The following MAP2K5 variants were observed in gnomAD, a reference collection of about 807,000 sequenced individuals.
MAP2K5 encodes the protein dual specificity mitogen-activated protein kinase kinase 5.
Under a neutral mutation model 83.1 loss-of-function variants are expected in MAP2K5, and 49 were observed. That is an observed-to-expected ratio of 0.59 (90% CI 0.47 to 0.75). The LOEUF (loss-of-function observed/expected upper bound fraction) is 0.75, where lower values mean the gene tolerates loss of function less well. Among genes scored for constraint, MAP2K5 ranks in the 30% least tolerant of loss-of-function variants. MAP2K5 has a pLI of 0.00. For missense variants in MAP2K5, 457 were observed against 557.5 expected, an observed-to-expected ratio of 0.82 and a Z score of 1.82; for synonymous variants, 202 against 191.8, an observed-to-expected ratio of 1.05 and a Z score of -0.44.
intron 8 of MAP2K5, among the ~76,000 whole-genome samples, chr15:67,614,982 AG>A (rs2086023285): frequency 6.6e-6 from 1 of 151,902 alleles, no homozygotes; most frequent in Non-Finnish European, 1.5e-5. Context: ...AAACAGTATG[AG>A]GGGCTCTGTT....
intron 13 of MAP2K5, among the ~76,000 whole-genome samples, chr15:67,686,687 T>C (rs950242852): frequency 3.9e-5 from 6 of 151,962 alleles, no homozygotes; most frequent in African/African-American, 1.5e-4. Flanking sequence ...GCAAAACTAA[T>C]GTATAATGAC....
chr15:67,590,442 C>CTCTCTCTCTCTCTCTCTCTCTCTCTCTCT (rs2085377738), intron 6 of MAP2K5, among the ~76,000 whole-genome samples: 1 of 5,838 alleles, frequency 1.7e-4, no homozygotes, highest in African/African-American at 3.8e-4. Flanking sequence ...TCTCTCCCTC[C>CTCTCTCTCTCTCTCTCTCTCTCTCTCTCT]CTCCCTCTCT....
intron 8 of MAP2K5, among the ~76,000 whole-genome samples, chr15:67,630,650 A>T (rs955414957): frequency 2.0e-5 from 3 of 152,220 alleles, no homozygotes; most frequent in Non-Finnish European, 4.4e-5. Flanking sequence ...TCATCTATAA[A>T]AGGAGGATAA....
chr15:67,649,588 T>C (rs746452768), intron 11 of MAP2K5, among the ~76,000 whole-genome samples: 25 of 152,216 alleles, frequency 1.6e-4, no homozygotes, highest in Non-Finnish European at 3.4e-4. Flanking sequence ...TAAAGACTGT[T>C]TTTCCCATTG....
chr15:67,639,479 G>C (rs2086667391), intron 9 of MAP2K5, among the ~76,000 whole-genome samples: 1 of 152,190 alleles, frequency 6.6e-6, no homozygotes, highest in South Asian at 2.1e-4. Flanking sequence ...ACTTGCCCAA[G>C]GTCCCACAAC....
At chr15:67,643,459 T>C (rs1352548547) in intron 9 of MAP2K5, among the ~76,000 whole-genome samples, 1 of 147,802 alleles carries the variant, frequency 6.8e-6, no homozygotes. Flanking sequence ...CTCTTTTATT[T>C]TTTTTGAGAC....
intron 8 of MAP2K5, chr15:67,629,176 G>A: frequency 1.4e-6 from 1 of 692,976 alleles, no homozygotes; most frequent in Admixed American, 1.8e-5. Flanking sequence ...AGGAGAGCTA[G>A]AGAAGTGACG....
At chr15:67,558,286 A>G (rs1305435338) in intron 2 of MAP2K5, among the ~76,000 whole-genome samples, 2 of 152,204 alleles carry the variant, frequency 1.3e-5, no homozygotes, top group African/African-American at 4.8e-5. Flanking sequence ...GTGAAGTAAT[A>G]AGGATAAGCT....
At chr15:67,586,974 T>G (rs2141004061) in intron 6 of MAP2K5, 61 bp downstream of exon 6, 1 of 1,557,268 alleles carries the variant, frequency 6.4e-7, no homozygotes, top group Non-Finnish European at 8.9e-7. Flanking sequence ...TGGGGTGGGG[T>G]GGGGAAGAAG....
At chr15:67,646,362 C>T in intron 10 of MAP2K5, 26 bp from the exon 11 acceptor site, 2 of 1,472,288 alleles carry the variant, frequency 1.4e-6, no homozygotes, top group Non-Finnish European at 1.9e-6. Context: ...AGGTTTATAA[C>T]TACTTTTGTC....
chr15:67,806,001 C>A (rs990864098), intron 21 of MAP2K5, among the ~76,000 whole-genome samples: 1 of 152,136 alleles, frequency 6.6e-6, no homozygotes, highest in African/African-American at 2.4e-5. Context: ...GGGTTAGAAC[C>A]AGAGGCAGGC....
intron 9 of MAP2K5, among the ~76,000 whole-genome samples, chr15:67,635,494 AAGACATTTAAAAAGT>A (rs1336058401): frequency 6.6e-6 from 1 of 152,076 alleles, no homozygotes; most frequent in Non-Finnish European, 1.5e-5. Flanking sequence ...TTATCTTTTA[AAGACATTTAAAAAGT>A]AAGAAAAATA....
chr15:67,756,513 TA>T (rs1215005930), intron 19 of MAP2K5, among the ~76,000 whole-genome samples: 5 of 98,530 alleles, frequency 5.1e-5, no homozygotes, highest in Non-Finnish European at 6.3e-5. Flanking sequence ...CACACACAGT[TA>T]CTGTGTGTGT....
intron 13 of MAP2K5, among the ~76,000 whole-genome samples, chr15:67,675,051 A>G (rs1218950681): frequency 6.6e-6 from 1 of 152,206 alleles, no homozygotes; most frequent in Admixed American, 6.5e-5. Context: ...AGAGAAAGAA[A>G]GCTAGACATG....
Position 67,543,929 on chromosome 15 carries a change from G to A in MAP2K5, c.135+459G>A, listed in dbSNP as rs1363063837. Among the ~76,000 whole-genome samples, 1 of 152,194 alleles carries A rather than the reference G, an allele frequency of 6.6e-6. No homozygotes were observed. Among genetic ancestry groups the A allele is most frequent in the African/African-American group, 2.4e-5 (1 of 41,440 alleles). On this transcript the variant is annotated intron_variant, in intron 1 of 21. Coordinates refer to ENST00000178640, the MANE Select transcript of MAP2K5 (RefSeq NM_145160.3). This position sits in a 1 kb window ranked among gnomAD's most constrained non-coding sequence, Gnocchi z 4.3. Reference sequence around the variant, plus strand: ...GCACACTGTTTCATTAATTTATTTTGAGACAGGGCCTCACTCTGTCGCTCA... The same window carrying A: ...GCACACTGTTTCATTAATTTATTTTAAGACAGGGCCTCACTCTGTCGCTCA...
intron 16 of MAP2K5, among the ~76,000 whole-genome samples, chr15:67,721,769 G>A (rs985128075): frequency 6.6e-6 from 1 of 152,124 alleles, no homozygotes; most frequent in African/African-American, 2.4e-5. Flanking sequence ...GAAAAAATAC[G>A]TGTGGGTTCA....
At chr15:67,705,696 A>C (rs954339324) in intron 16 of MAP2K5, among the ~76,000 whole-genome samples, 2 of 152,016 alleles carry the variant, frequency 1.3e-5, no homozygotes, top group African/African-American at 4.8e-5. Context: ...AGATCGTGCC[A>C]TTGTGCTCCA....
At position 67,755,326 on chromosome 15, in the gene MAP2K5, T is replaced by C. The variant is rs2089813094; in HGVS notation, c.1134+6725T>C. ...GTTATAAAGTAGGCTCTTCCCTTATTTTTCTCCTCCCTTTCCCAGTCCTCC... is the reference window on the plus strand; with the variant it reads ...GTTATAAAGTAGGCTCTTCCCTTATCTTTCTCCTCCCTTTCCCAGTCCTCC... On this transcript the variant is annotated intron_variant, in intron 19 of 21. Transcript: ENST00000178640. The surrounding 1 kb of genome is among the most constrained non-coding windows in gnomAD (Gnocchi z 4.7). Among the ~76,000 whole-genome samples the C allele has an allele frequency of 6.6e-6, 1 of 152,080 alleles. No individual in the cohort carries two copies. Among genetic ancestry groups the C allele is most frequent in the South Asian group, 2.1e-4 (1 of 4,834 alleles).
intron 4 of MAP2K5, among the ~76,000 whole-genome samples, chr15:67,582,667 C>A (rs1036051027): frequency 5.9e-5 from 9 of 151,918 alleles, no homozygotes; most frequent in Admixed American, 2.6e-4. Context: ...CAAAAAAATA[C>A]AAAAATTAGC....
Sources: allele counts gnomAD v4.1 joint callset (sites outside exome capture counted in the v4.1 genomes callset), GRCh38; gene constraint gnomAD v4.1.1; non-coding constraint Gnocchi (gnomAD v3.1); transcripts MANE v1.5; gene names NCBI Gene and HGNC (gene_info 2026-07-23, HGNC 2026-07-21).